The following ATP8B4 variants were observed in gnomAD, a reference collection of about 807,000 sequenced individuals.
The protein encoded by ATP8B4 is ATPase phospholipid transporting 8B4 (putative).
In ATP8B4, 133 loss-of-function variants were observed where a neutral mutation model predicts 145.6. That is an observed-to-expected ratio of 0.91 (90% CI 0.79 to 1.05). The LOEUF (loss-of-function observed/expected upper bound fraction) is 1.05. ATP8B4 is among the 50% of genes least tolerant of loss of function. The probability of loss-of-function intolerance (pLI) is 0.00; values close to 1 mark genes in which losing one functional copy is unlikely to be tolerated. For missense variants in ATP8B4, 1,458 were observed against 1,425.2 expected (o/e 1.02, Z -0.37); for synonymous variants, 507 against 492.9 (o/e 1.03, Z -0.38).
chr15:49,860,530 C>T (rs575675445), intron 27 of ATP8B4, 55 bp from the exon 28 acceptor site: 134 of 1,502,828 alleles, frequency 8.9e-5, no homozygotes, highest in Admixed American at 7.6e-4. Context: ...AGACTCCAGG[C>T]AGTGGCCCAC....
At chr15:50,046,938 ACT>A (rs2051770857) in intron 4 of ATP8B4, among the ~76,000 whole-genome samples, 1 of 152,210 alleles carries the variant, frequency 6.6e-6, no homozygotes, top group African/African-American at 2.4e-5. Flanking sequence ...AAAATATGTC[ACT>A]GTTCTTAAAT....
chr15:49,939,163 T>C (rs1415174996), intron 14 of ATP8B4, among the ~76,000 whole-genome samples: 1 of 151,520 alleles, frequency 6.6e-6, no homozygotes, highest in African/African-American at 2.4e-5. Flanking sequence ...AAGATCTCAA[T>C]TAATGACTTA....
intron 2 of ATP8B4, among the ~76,000 whole-genome samples, chr15:50,084,898 G>A (rs2054794425): frequency 6.6e-6 from 1 of 152,088 alleles, no homozygotes; most frequent in Non-Finnish European, 1.5e-5. Flanking sequence ...CATCATTCAG[G>A]ATATTCTCAC....
chr15:50,012,800 T>G (rs1196856062), intron 6 of ATP8B4, among the ~76,000 whole-genome samples: 1 of 152,176 alleles, frequency 6.6e-6, no homozygotes, highest in Non-Finnish European at 1.5e-5. Context: ...TGAGATGCCT[T>G]GCTTAACCTC....
intron 4 of ATP8B4, among the ~76,000 whole-genome samples, chr15:50,045,846 G>A (rs2051673418): frequency 6.6e-6 from 1 of 152,190 alleles, no homozygotes; most frequent in Non-Finnish European, 1.5e-5. Context: ...AAAGCCATTA[G>A]AGAAATGAAT....
rs1445317057 is a variant in ATP8B4, at chr15:50,044,632, T to C, written c.262A>G (p.Ile88Val). 6.2e-7 allele frequency: 1 copy of C among 1,613,114 alleles called. No homozygotes were observed. Among genetic ancestry groups the C allele is most frequent in the Non-Finnish European group, 8.5e-7 (1 of 1,179,546 alleles). Residue 88 changes from isoleucine (I) to valine (V), a missense_variant, in exon 5 of 28, where the codon ATA (isoleucine) becomes GTA (valine). By Grantham distance (29) the Ile-to-Val change is conservative. Coordinates refer to ENST00000284509, the MANE Select transcript of ATP8B4 (RefSeq NM_024837.4). ...GCATCTTTGACAGCTGTCATAGTTATCACCAGGACCAAAGGCACAATGGTG... is the reference window on the plus strand; with the variant it reads ...GCATCTTTGACAGCTGTCATAGTTACCACCAGGACCAAAGGCACAATGGTG... ...FTTIVPLVLV[I>V]TMTAVKDATD...
intron 3 of ATP8B4, among the ~76,000 whole-genome samples, chr15:50,062,133 G>A (rs1287144623): frequency 6.6e-6 from 1 of 152,140 alleles, no homozygotes; most frequent in Non-Finnish European, 1.5e-5. Flanking sequence ...GTTTGGATGT[G>A]TGTCCCCACC....
intron 1 of ATP8B4, among the ~76,000 whole-genome samples, chr15:50,129,552 T>C (rs191239302): frequency 1.2e-4 from 18 of 152,258 alleles, no homozygotes; most frequent in Non-Finnish European, 2.5e-4. Flanking sequence ...CATGATTAGA[T>C]TTGGGCTCCA....
At chr15:50,086,936 G>T (rs1292434774) in intron 2 of ATP8B4, among the ~76,000 whole-genome samples, 18 of 91,436 alleles carry the variant, frequency 2.0e-4, no homozygotes, top group Admixed American at 1.8e-3. Context: ...ATAATATAGA[G>T]ATCTATATTT....
chr15:49,920,457 C>T, intron 17 of ATP8B4, 47 bp from the exon 18 acceptor site: 1 of 1,535,738 alleles, frequency 6.5e-7, no homozygotes, highest in South Asian at 1.2e-5. Context: ...AAACAATAAG[C>T]ACAGAAATAA....
upstream of ATP8B4, among the ~76,000 whole-genome samples, chr15:50,123,872 A>T (rs1433984116): frequency 6.6e-6 from 1 of 152,144 alleles, no homozygotes; most frequent in Non-Finnish European, 1.5e-5. Flanking sequence ...TTCCCCAAGC[A>T]TATCCTTTCC....
chr15:49,920,346 A>G lies in ATP8B4; in HGVS notation c.1823T>C (p.Phe608Ser). Residue 608 changes from phenylalanine (F) to serine (S), a missense_variant, in exon 18 of 28, where the codon TTT becomes TCT. Physicochemically the swap from Phe to Ser is radical, Grantham distance 155. Transcript: ENST00000284509. ...IAYRDLDDKY[F>S]KEWHKMLEDA... is the part of the protein sequence containing the mutation. ...TTCAAGCATCTTATGCCACTCTTTAAAGTACTTGTCATCCAGGTCTCTGTA... is the reference window on the plus strand; with the variant it reads ...TTCAAGCATCTTATGCCACTCTTTAGAGTACTTGTCATCCAGGTCTCTGTA... 1 of 1,614,172 alleles carries G rather than the reference A, an allele frequency of 6.2e-7. No individual in the cohort carries two copies. Among genetic ancestry groups the G allele is most frequent in the Non-Finnish European group, 8.5e-7 (1 of 1,180,030 alleles).
chr15:50,057,738 C>T (rs912346315), intron 3 of ATP8B4, among the ~76,000 whole-genome samples: 1 of 152,202 alleles, frequency 6.6e-6, no homozygotes. Flanking sequence ...CTCTTTTCTA[C>T]CTTCCAGCCT....
chr15:50,092,762 T>A (rs956255455), intron 2 of ATP8B4, among the ~76,000 whole-genome samples: 1 of 151,912 alleles, frequency 6.6e-6, no homozygotes, highest in Admixed American at 6.6e-5. Context: ...TGGATCCCCA[T>A]TGAGGAGAAC....
At chr15:49,931,060 G>C in intron 16 of ATP8B4, 59 bp downstream of exon 16, 1 of 1,495,062 alleles carries the variant, frequency 6.7e-7, no homozygotes, top group Non-Finnish European at 9.0e-7. Context: ...ATTAATCCTT[G>C]AAAAGCATAA....
intron 3 of ATP8B4, among the ~76,000 whole-genome samples, chr15:50,064,701 A>T (rs929511008): frequency 6.6e-6 from 1 of 152,194 alleles, no homozygotes; most frequent in African/African-American, 2.4e-5. Context: ...CTGGTAATTT[A>T]TAAAGACAAG....
At chr15:50,061,492 A>G (rs909771356) in intron 3 of ATP8B4, among the ~76,000 whole-genome samples, 1 of 152,226 alleles carries the variant, frequency 6.6e-6, no homozygotes, top group African/African-American at 2.4e-5. Flanking sequence ...ATAAAACATA[A>G]ATTCATAACT....
chr15:49,903,326 C>T (rs578228391), intron 20 of ATP8B4, among the ~76,000 whole-genome samples: 4 of 152,324 alleles, frequency 2.6e-5, no homozygotes, highest in African/African-American at 9.6e-5. Context: ...CAATGCTTAA[C>T]CACATAATAC....
intron 3 of ATP8B4, among the ~76,000 whole-genome samples, chr15:50,054,085 C>G (rs2052396273): frequency 6.6e-6 from 1 of 152,126 alleles, no homozygotes; most frequent in Non-Finnish European, 1.5e-5. Flanking sequence ...TGAGTGATCC[C>G]AAATAATTCA....
Sources: allele counts gnomAD v4.1 joint callset (sites outside exome capture counted in the v4.1 genomes callset), GRCh38; gene constraint gnomAD v4.1.1; transcripts MANE v1.5; gene names NCBI Gene and HGNC (gene_info 2026-07-23, HGNC 2026-07-21).